Variants in DRD2 observed in about 807,000 individuals in gnomAD.
The protein encoded by DRD2 is D(2) dopamine receptor.
Under a neutral mutation model 38.0 loss-of-function variants are expected in DRD2, and 8 were observed. That is an observed-to-expected ratio of 0.21 (90% CI 0.12 to 0.38). The LOEUF (loss-of-function observed/expected upper bound fraction) is 0.38. Ranked by LOEUF, DRD2 falls within the 10% of genes least tolerant of loss-of-function variation. The pLI, the probability that DRD2 is intolerant of heterozygous loss-of-function variation, is 1.00. For missense variants in DRD2, 403 were observed against 607.7 expected (o/e 0.66, Z 3.54); for synonymous variants, 230 against 238.6 (o/e 0.96, Z 0.33).
chr11:113,410,850 G>A lies in DRD2; in HGVS notation c.1209C>T (p.Ile403=). ...HILNIHCDCN[I]PPVLYSAFTW... ...TGAAGGCGCTGTACAGGACAGGCGG[G>A]ATGTTGCAGTCACAGTGTATGTTCA... Residue 403 remains isoleucine (I), a synonymous_variant, in exon 8 of 8, where the codon ATC becomes ATT. Transcript: ENST00000362072. The A allele has an allele frequency of 6.2e-7, 1 of 1,614,178 alleles. No individual in the cohort carries two copies. Among genetic ancestry groups the A allele is most frequent in the Non-Finnish European group, 8.5e-7 (1 of 1,180,012 alleles).
chr11:113,472,920 G>A (rs1184590685), intron 1 of DRD2, among the ~76,000 whole-genome samples: 6 of 152,146 alleles, frequency 3.9e-5, no homozygotes, highest in African/African-American at 9.7e-5. Context: ...GGAAGATCCT[G>A]GGGGAGAGGA....
At chr11:113,455,674 A>AT (rs929424396) in intron 1 of DRD2, among the ~76,000 whole-genome samples, 2 of 152,216 alleles carry the variant, frequency 1.3e-5, no homozygotes, top group Non-Finnish European at 2.9e-5. Flanking sequence ...GTCAACATAT[A>AT]TTTTTTAAAA....
intron 2 of DRD2, among the ~76,000 whole-genome samples, chr11:113,419,690 C>T (rs1565662506): frequency 6.6e-6 from 1 of 152,182 alleles, no homozygotes; most frequent in African/African-American, 2.4e-5. Flanking sequence ...CCTCCCGCAA[C>T]CCGGAGTAGG....
intron 1 of DRD2, among the ~76,000 whole-genome samples, chr11:113,452,474 G>T (rs532102898): frequency 1.6e-5 from 1 of 62,086 alleles, no homozygotes; most frequent in East Asian, 3.3e-4. Flanking sequence ...GTGTGTGCGC[G>T]CGCGCGCGCG....
chr11:113,450,406 G>C (rs1266812234), intron 1 of DRD2, among the ~76,000 whole-genome samples: 1 of 152,232 alleles, frequency 6.6e-6, no homozygotes, highest in Non-Finnish European at 1.5e-5. Flanking sequence ...GCCCAGAGAG[G>C]CTTCTCTATT....
intron 1 of DRD2, among the ~76,000 whole-genome samples, chr11:113,470,589 G>T (rs1171278972): frequency 6.6e-6 from 1 of 152,092 alleles, no homozygotes; most frequent in Non-Finnish European, 1.5e-5. Flanking sequence ...TCTCCTACTG[G>T]AAAAAGTAAA....
At chr11:113,452,922 G>T (rs1198598516) in intron 1 of DRD2, among the ~76,000 whole-genome samples, 1 of 151,928 alleles carries the variant, frequency 6.6e-6, no homozygotes, top group African/African-American at 2.4e-5. Context: ...AAAGCGCTAG[G>T]ATTTCAGGTG....
intron 1 of DRD2, among the ~76,000 whole-genome samples, chr11:113,472,718 T>C (rs1951441695): frequency 6.6e-6 from 1 of 152,176 alleles, no homozygotes; most frequent in Non-Finnish European, 1.5e-5. Flanking sequence ...TCCTTGGCAT[T>C]TCAGGAGCAC....
At chr11:113,459,475 G>C (rs1281304921) in intron 1 of DRD2, among the ~76,000 whole-genome samples, 1 of 152,196 alleles carries the variant, frequency 6.6e-6, no homozygotes, top group Non-Finnish European at 1.5e-5. Context: ...TAAGCTGCCA[G>C]TTAGATGACA....
At chr11:113,414,578 A>T in intron 5 of DRD2, 117 bp from the exon 6 acceptor site, 29 of 975,878 alleles carry the variant, frequency 3.0e-5, no homozygotes, top group East Asian at 5.2e-5. Context: ...AGAGATCAGG[A>T]GGGTGGGGGC....
Position 113,410,201 on chromosome 11 carries a change from G to A in DRD2, c.*526C>T, listed in dbSNP as rs1227477816. 1.0e-5 allele frequency: 2 copies of A among 194,676 alleles called. No homozygotes were observed. Among genetic ancestry groups the A allele is most frequent in the Admixed American group, 1.1e-4 (2 of 18,786 alleles). The allele number at this position is 194,676 out of a possible 1,614,324, so 12.1% of individuals were successfully genotyped here. On this transcript the variant is annotated 3_prime_UTR_variant, in exon 8 of 8. Transcript: ENST00000362072. ...GGTTTTTGGCTTGGGAATCTCTGGG[G>A]TCCAACCTGCAGTCTGGTATTTACA...
intron 3 of DRD2, 123 bp from the exon 4 acceptor site, chr11:113,417,122 T>C (rs2138165904): frequency 7.2e-6 from 10 of 1,387,522 alleles, no homozygotes; most frequent in South Asian, 1.4e-5. Flanking sequence ...TCTATGAAGC[T>C]TGCCTGAGAT....
In DRD2 at chr11:113,412,678, T is replaced by C. The variant is rs1190878549; in HGVS notation, c.1016A>G (p.Lys339Arg). The C allele has an allele frequency of 8.1e-6, 13 of 1,614,218 alleles. No individual in the cohort carries two copies. Among genetic ancestry groups the C allele is most frequent in the Middle Eastern group, 1.6e-4 (1 of 6,062 alleles). The part of the protein sequence containing the change: ...GHAKDHPKIA[K>R]IFEIQTMPNG... ...GGGCATGGTCTGGATCTCAAAGATC[T>C]TGGCAATCTTGGGGTGGTCTTTGGC... Residue 339 changes from lysine to arginine, a missense_variant, in exon 7 of 8, where the codon AAG (lysine) becomes AGG (arginine). Around this residue, in one of 4 missense-constraint regions of DRD2, gnomAD observed 166 missense variants for 178.6 expected, o/e 0.93. Coordinates refer to ENST00000362072, the MANE Select transcript of DRD2 (RefSeq NM_000795.4).
At chr11:113,465,901 G>A (rs1951364678) in intron 1 of DRD2, among the ~76,000 whole-genome samples, 1 of 152,202 alleles carries the variant, frequency 6.6e-6, no homozygotes, top group Non-Finnish European at 1.5e-5. Flanking sequence ...ATTACGATAA[G>A]GATAATGATA....
At chr11:113,463,470 T>A (rs982834369) in intron 1 of DRD2, among the ~76,000 whole-genome samples, 1 of 151,756 alleles carries the variant, frequency 6.6e-6, no homozygotes, top group Non-Finnish European at 1.5e-5. Context: ...AGTACAATTT[T>A]CTCATTCATG....
chr11:113,410,558 G>T lies in DRD2; in HGVS notation c.*169C>A. 1 of 859,120 alleles carries T rather than the reference G, an allele frequency of 1.2e-6. No individual in the cohort carries two copies. Among genetic ancestry groups the T allele is most frequent in the Non-Finnish European group, 1.9e-6 (1 of 530,348 alleles). 53.2% of individuals were successfully genotyped at this position (859,120 alleles called of 1,614,324 possible). A position where few individuals can be genotyped will look rare whatever the true frequency, so the allele number is the denominator to read the frequency against. ...CACTAGCACTGCCCTGGCAGAGTGA[G>T]GGTGTGCGGGCAGTGAGGAGCATGG... On this transcript the variant is annotated 3_prime_UTR_variant, in exon 8 of 8. Coordinates refer to ENST00000362072, the MANE Select transcript of DRD2 (RefSeq NM_000795.4).
chr11:113,451,692 G>A (rs1192507517), intron 1 of DRD2, among the ~76,000 whole-genome samples: 2 of 151,976 alleles, frequency 1.3e-5, no homozygotes, highest in African/African-American at 4.8e-5. Context: ...GTTTTACCAT[G>A]TCGGCCAGGC....
Position 113,414,344 on chromosome 11 carries a change from C to A in DRD2, c.810+31G>T, listed in dbSNP as rs189493022. On this transcript the variant is annotated intron_variant, in intron 6 of 7. Transcript: ENST00000362072. Reference sequence around the variant, plus strand: ...TGGGCTTCCCTAGGGGCAGAAAGACCTGGCTCTGGGTCCCTGGCCTGAGCA... The same window carrying A: ...TGGGCTTCCCTAGGGGCAGAAAGACATGGCTCTGGGTCCCTGGCCTGAGCA... 1,373 of 1,603,584 alleles carry A rather than the reference C, an allele frequency of 8.6e-4. 3 individuals are homozygous for A. The highest frequency in any genetic ancestry group is 9.0e-4 in the Non-Finnish European group (1,059 of 1,170,418).
At chr11:113,457,939 T>C (rs965126446) in intron 1 of DRD2, among the ~76,000 whole-genome samples, 1 of 152,198 alleles carries the variant, frequency 6.6e-6, no homozygotes, top group Non-Finnish European at 1.5e-5. Context: ...TGTTCCCCAG[T>C]GGGTGGGACA....
Sources: allele counts gnomAD v4.1 joint callset (sites outside exome capture counted in the v4.1 genomes callset), GRCh38; gene constraint gnomAD v4.1.1; regional missense constraint gnomAD v4.1.1; transcripts MANE v1.5; gene names NCBI Gene and HGNC (gene_info 2026-07-23, HGNC 2026-07-21).